The following FAF1 variants were observed in gnomAD, a reference collection of about 807,000 sequenced individuals.
The protein encoded by FAF1 is FAS-associated factor 1.
In FAF1, 25 loss-of-function variants were observed where a neutral mutation model predicts 92.5. The observed-to-expected ratio is 0.27, with a 90% CI of 0.20 to 0.38. The LOEUF (loss-of-function observed/expected upper bound fraction) is 0.38. FAF1 is among the 10% of genes least tolerant of loss of function. FAF1 has a pLI of 1.00. For synonymous variants in FAF1, 234 were observed against 273.2 expected (o/e 0.86, Z 1.42); for missense variants, 636 against 793.3 (o/e 0.80, Z 2.38).
At chr1:50,600,082 A>G (rs1485598960) in intron 8 of FAF1, among the ~76,000 whole-genome samples, 2 of 152,200 alleles carry the variant, frequency 1.3e-5, no homozygotes, top group African/African-American at 4.8e-5. Flanking sequence ...TCCAAAATGA[A>G]TGAAGTGAGA....
At chr1:50,595,756 T>C (rs914679565) in intron 9 of FAF1, among the ~76,000 whole-genome samples, 11 of 152,120 alleles carry the variant, frequency 7.2e-5, no homozygotes, top group Non-Finnish European at 1.6e-4. Context: ...TTGGCCAGGC[T>C]GGTCTCGAAC....
In FAF1 at chr1:50,741,358, G is replaced by T. The variant is rs574986403; in HGVS notation, c.460-2404C>A. Among the ~76,000 whole-genome samples, 4 of 152,368 alleles carry T rather than the reference G, an allele frequency of 2.6e-5. No homozygotes were observed. The South Asian group carries it at 8.3e-4, about 32-fold the overall frequency. The stretch of plus-strand genomic sequence containing the variant: ...TGTGGCTGGAACATGGAAAGTGAGA[G>T]TAAGAAAGGCTCAAGATGATGTTGT... On this transcript the variant is annotated intron_variant, in intron 5 of 18. Coordinates refer to ENST00000396153, the MANE Select transcript of FAF1 (RefSeq NM_007051.3).
chr1:50,791,467 GTAGT>G (rs1177258424), intron 3 of FAF1, among the ~76,000 whole-genome samples: 1 of 152,196 alleles, frequency 6.6e-6, no homozygotes. Flanking sequence ...CTAGAGATTA[GTAGT>G]TAAAGAGGGG....
At chr1:50,448,363 A>G (rs1220759463) in intron 18 of FAF1, among the ~76,000 whole-genome samples, 1 of 143,966 alleles carries the variant, frequency 6.9e-6, no homozygotes, top group Non-Finnish European at 1.6e-5. Context: ...TTATTTATAA[A>G]ATTGAGACCT....
chr1:50,723,884 G>C (rs35072907), intron 6 of FAF1, among the ~76,000 whole-genome samples: 57,265 of 151,830 alleles, frequency 0.38, 13,082 homozygotes, highest in East Asian at 0.77. Context: ...GAGTAGCTGG[G>C]ATTACAGGCA....
intron 7 of FAF1, among the ~76,000 whole-genome samples, chr1:50,695,947 CCTTT>C (rs1414069302): frequency 3.5e-5 from 5 of 142,732 alleles, no homozygotes; most frequent in Non-Finnish European, 6.0e-5. Flanking sequence ...CCGTGCTTGG[CCTTT>C]TTTTTTTTTT....
At chr1:50,814,393 A>G (rs1643946410) in intron 2 of FAF1, among the ~76,000 whole-genome samples, 1 of 152,176 alleles carries the variant, frequency 6.6e-6, no homozygotes, top group Non-Finnish European at 1.5e-5. Flanking sequence ...ATGCCCAACT[A>G]CAGACAAATG....
At chr1:50,537,760 A>C (rs1313744056) in intron 14 of FAF1, among the ~76,000 whole-genome samples, 1 of 152,158 alleles carries the variant, frequency 6.6e-6, no homozygotes, top group Non-Finnish European at 1.5e-5. Flanking sequence ...TCTCGTACCT[A>C]CATCTACACT....
intron 4 of FAF1, among the ~76,000 whole-genome samples, chr1:50,771,617 T>C (rs189175943): frequency 5.5e-4 from 83 of 152,138 alleles, no homozygotes; most frequent in Admixed American, 9.8e-4. Context: ...CAAAAAATAA[T>C]GGGCCCAGCA....
intron 3 of FAF1, among the ~76,000 whole-genome samples, chr1:50,799,534 C>G (rs1432510964): frequency 6.6e-6 from 1 of 151,786 alleles, no homozygotes; most frequent in Admixed American, 6.6e-5. Context: ...CTTTAGATTG[C>G]AGATAATTAG....
At chr1:50,938,751 A>G (rs1645106999) in intron 1 of FAF1, among the ~76,000 whole-genome samples, 1 of 152,320 alleles carries the variant, frequency 6.6e-6, no homozygotes, top group East Asian at 1.9e-4. Context: ...GTTAATTCTC[A>G]TATATGGTGA....
intron 1 of FAF1, among the ~76,000 whole-genome samples, chr1:50,931,826 AT>A: frequency 6.6e-6 from 1 of 151,554 alleles, no homozygotes; most frequent in East Asian, 1.9e-4. Context: ...GTAAGCCGAG[AT>A]CGTGCCACTG....
Position 50,539,674 on chromosome 1 carries a change from C to T in FAF1, c.1323G>A (p.Arg441=), listed in dbSNP as rs1648665781. 2.5e-6 allele frequency: 4 copies of T among 1,612,302 alleles called. No individual in the cohort carries two copies. The highest frequency in any genetic ancestry group is 3.4e-6 in the Non-Finnish European group (4 of 1,178,634). The change falls in exon 14 of 19, where the codon CGG becomes CGA. Residue 441 remains arginine (R), a synonymous_variant. Transcript: ENST00000396153. ...GCGGAAACTGATCCGTTTTTTGAGT[C>T]CGAATGGTTTGTGCCACAACACTGC... is the stretch of plus-strand genomic sequence containing the variant. ...HFGSVVAQTI[R]TQKTDQFPLF...
At chr1:50,757,271 C>A (rs1660113535) in intron 4 of FAF1, among the ~76,000 whole-genome samples, 1 of 152,128 alleles carries the variant, frequency 6.6e-6, no homozygotes, top group South Asian at 2.1e-4. Flanking sequence ...CTATGCTGTT[C>A]AGATTTTTTG....
chr1:50,640,893 G>A (rs1654296531), intron 8 of FAF1, among the ~76,000 whole-genome samples: 1 of 139,170 alleles, frequency 7.2e-6, no homozygotes, highest in Admixed American at 8.0e-5. Flanking sequence ...GAGTGCAGTG[G>A]CACCATCTCG....
chr1:50,638,332 G>GT (rs1654156048), intron 8 of FAF1, among the ~76,000 whole-genome samples: 1 of 151,928 alleles, frequency 6.6e-6, no homozygotes, highest in Non-Finnish European at 1.5e-5. Context: ...AAGACTAGCA[G>GT]TATAACATTG....
At chr1:50,694,218 T>C (rs1657087170) in intron 7 of FAF1, among the ~76,000 whole-genome samples, 1 of 152,162 alleles carries the variant, frequency 6.6e-6, no homozygotes, top group Non-Finnish European at 1.5e-5. Flanking sequence ...ATGATATGCT[T>C]TTCTTATGAT....
At position 50,612,542 on chromosome 1, in the gene FAF1, T is replaced by C. The variant is rs535159370; in HGVS notation, c.745-16326A>G. 50 of 893,290 alleles carry C rather than the reference T, an allele frequency of 5.6e-5. No individual in the cohort carries two copies. In the South Asian group the frequency reaches 2.4e-3, roughly 42 times the overall value. The allele number at this position is 893,290 out of a possible 1,614,324, so 55.3% of individuals were successfully genotyped here. A position where few individuals can be genotyped will look rare whatever the true frequency, so the allele number is the denominator to read the frequency against. ...AGCCACTTGGCTCATGTCTAGTCAA[T>C]AGTGAGATGCCATTTACCCCTCAAC... On this transcript the variant is annotated intron_variant, in intron 8 of 18. Transcript: ENST00000396153.
chr1:50,722,118 A>G (rs1658434626), intron 6 of FAF1, among the ~76,000 whole-genome samples: 1 of 152,200 alleles, frequency 6.6e-6, no homozygotes, highest in Admixed American at 6.5e-5. Context: ...GGAGTCCCCC[A>G]CTGGCAATTG....
Sources: gnomAD v4.1 joint callset for allele counts (sites outside exome capture counted in the v4.1 genomes callset) on GRCh38, gnomAD v4.1.1 for gene constraint, MANE v1.5 for transcripts, NCBI Gene and HGNC (gene_info 2026-07-23, HGNC 2026-07-21) for gene names.